The following SLC25A12 variants were observed in gnomAD, a reference collection of about 807,000 sequenced individuals.
The protein encoded by SLC25A12 is electrogenic aspartate/glutamate antiporter SLC25A12, mitochondrial.
Under a neutral mutation model 83.3 loss-of-function variants are expected in SLC25A12, and 32 were observed. The observed-to-expected ratio is 0.38, with a 90% CI of 0.29 to 0.52. SLC25A12 has a LOEUF of 0.52. Among genes scored for constraint, SLC25A12 ranks in the 20% least tolerant of loss-of-function variants. The pLI, the probability that SLC25A12 is intolerant of heterozygous loss-of-function variation, is 0.84. For synonymous variants in SLC25A12, 267 were observed against 291.1 expected (o/e 0.92, Z 0.84); for missense variants, 611 against 835.6 (o/e 0.73, Z 3.31).
chr2:171,797,164 A>T (rs1683615694), intron 13 of SLC25A12, among the ~76,000 whole-genome samples: 1 of 152,236 alleles, frequency 6.6e-6, no homozygotes. Context: ...TTTCATAAAT[A>T]CAGTAACTTT....
intron 5 of SLC25A12, among the ~76,000 whole-genome samples, chr2:171,842,276 A>G (rs1186987088): frequency 6.6e-6 from 1 of 151,992 alleles, no homozygotes; most frequent in Non-Finnish European, 1.5e-5. Context: ...CTAAGTGGAA[A>G]AAAAAAAAAA....
At position 171,855,841 on chromosome 2, in the gene SLC25A12, C is replaced by T; in HGVS notation, c.318G>A (p.Val106=). ...ATCTTCTTTTTCCCTTACCAAATGT[C>T]ACCTCTCCATTTCCACTCTTGTCAA... ...QLFDKSGNGE[V]TFENVKEIFG... is the part of the protein sequence containing the mutation. Residue 106 remains valine, a synonymous_variant, in exon 4 of 18, where the codon GTG becomes GTA. Transcript: ENST00000422440. 9 of 1,583,762 alleles carry T rather than the reference C, an allele frequency of 5.7e-6. No homozygotes were observed. The highest frequency in any genetic ancestry group is 7.8e-6 in the Non-Finnish European group (9 of 1,152,340).
chr2:171,840,693 T>C (rs1485508734), intron 5 of SLC25A12, among the ~76,000 whole-genome samples: 4 of 152,036 alleles, frequency 2.6e-5, no homozygotes, highest in Admixed American at 1.3e-4. Context: ...GTCATAAATG[T>C]AACATTTAAT....
chr2:171,815,340 A>G, intron 9 of SLC25A12, 138 bp from the exon 10 acceptor site: 1 of 665,900 alleles, frequency 1.5e-6, no homozygotes, highest in South Asian at 1.6e-5. Flanking sequence ...CTTTTCTAAA[A>G]GAAGAAAATA....
intron 6 of SLC25A12, among the ~76,000 whole-genome samples, chr2:171,836,061 C>T (rs905753768): frequency 3.3e-5 from 5 of 152,264 alleles, no homozygotes; most frequent in African/African-American, 1.2e-4. Context: ...CCTTCTCTCT[C>T]CTTCCCTCCC....
chr2:171,881,898 T>C (rs979972907), intron 2 of SLC25A12, among the ~76,000 whole-genome samples: 1 of 152,040 alleles, frequency 6.6e-6, no homozygotes, highest in Non-Finnish European at 1.5e-5. Context: ...AGAAAAAGAC[T>C]AGAAAGAAGA....
intron 2 of SLC25A12, among the ~76,000 whole-genome samples, chr2:171,874,093 G>T (rs967788185): frequency 2.0e-5 from 3 of 152,282 alleles, no homozygotes; most frequent in Non-Finnish European, 4.4e-5. Context: ...GGGTGTGGTG[G>T]CGCATGCCTA....
At chr2:171,845,906 C>T in intron 4 of SLC25A12, 1 of 412,280 alleles carries the variant, frequency 2.4e-6, no homozygotes, top group Non-Finnish European at 4.9e-6. Flanking sequence ...CAAGCGTTTT[C>T]ACCTTACATA....
intron 2 of SLC25A12, among the ~76,000 whole-genome samples, chr2:171,871,017 C>T (rs967593911): frequency 5.3e-5 from 8 of 151,948 alleles, no homozygotes; most frequent in African/African-American, 1.9e-4. Flanking sequence ...GCCTGGGCAA[C>T]ATGGAGAGAC....
At chr2:171,832,267 C>T (rs1418033689) in intron 8 of SLC25A12, among the ~76,000 whole-genome samples, 1 of 152,126 alleles carries the variant, frequency 6.6e-6, no homozygotes, top group East Asian at 1.9e-4. Flanking sequence ...TAGGTGGTTG[C>T]TGGTGGACAC....
At chr2:171,822,792 A>G (rs1026095856) in intron 9 of SLC25A12, among the ~76,000 whole-genome samples, 1 of 152,206 alleles carries the variant, frequency 6.6e-6, no homozygotes, top group Admixed American at 6.5e-5. Flanking sequence ...TTCTGGACTC[A>G]CAGATTCTCC....
At chr2:171,884,738 G>A (rs886257644) in intron 2 of SLC25A12, among the ~76,000 whole-genome samples, 6 of 150,380 alleles carry the variant, frequency 4.0e-5, no homozygotes, top group Non-Finnish European at 8.9e-5. Flanking sequence ...CTGCGCCATT[G>A]CACTCCAGCC....
intron 2 of SLC25A12, among the ~76,000 whole-genome samples, chr2:171,889,115 A>C (rs767401041): frequency 1.3e-5 from 2 of 152,108 alleles, no homozygotes; most frequent in Non-Finnish European, 2.9e-5. Flanking sequence ...TGGAGATATC[A>C]CTTATAAATC....
intron 3 of SLC25A12, 119 bp downstream of exon 3, chr2:171,868,562 C>T (rs1685392267): frequency 2.1e-6 from 2 of 971,798 alleles, no homozygotes; most frequent in East Asian, 2.5e-5. Context: ...GATCCGCCCG[C>T]CTCAGCCTTC....
At chr2:171,792,213 C>T (rs1237773492) in intron 14 of SLC25A12, among the ~76,000 whole-genome samples, 2 of 152,064 alleles carry the variant, frequency 1.3e-5, no homozygotes, top group African/African-American at 2.4e-5. Context: ...CAGAAGCCCA[C>T]ACCATTCCAC....
At chr2:171,790,618 G>C (rs999757001) in intron 15 of SLC25A12, among the ~76,000 whole-genome samples, 1 of 152,214 alleles carries the variant, frequency 6.6e-6, no homozygotes, top group African/African-American at 2.4e-5. Context: ...CGTAGGAAAG[G>C]CAAGGATGAA....
chr2:171,890,880 C>A (rs1685920006), intron 2 of SLC25A12, among the ~76,000 whole-genome samples: 1 of 152,138 alleles, frequency 6.6e-6, no homozygotes, highest in Non-Finnish European at 1.5e-5. Flanking sequence ...GTCAATGTTT[C>A]ATACTTAGTG....
intron 9 of SLC25A12, among the ~76,000 whole-genome samples, chr2:171,819,474 A>AAT (rs1441568155): frequency 1.5e-5 from 2 of 135,600 alleles, no homozygotes; most frequent in African/African-American, 2.7e-5. Flanking sequence ...TATATATATT[A>AAT]ATATATATAT....
At chr2:171,819,108 A>AAT (rs1485800975) in intron 9 of SLC25A12, among the ~76,000 whole-genome samples, 1 of 140,728 alleles carries the variant, frequency 7.1e-6, no homozygotes, top group Non-Finnish European at 1.5e-5. Flanking sequence ...ATATACATAA[A>AAT]ATATATATAT....
Sources: allele counts gnomAD v4.1 joint callset (sites outside exome capture counted in the v4.1 genomes callset), GRCh38; gene constraint gnomAD v4.1.1; transcripts MANE v1.5; gene names NCBI Gene and HGNC (gene_info 2026-07-23, HGNC 2026-07-21).